WWOX: variants seen among roughly 807,000 people sequenced by gnomAD.
WWOX encodes WW domain-containing oxidoreductase.
WWOX carries 69 observed loss-of-function variants against 46.2 expected under a neutral mutation model. That is an observed-to-expected ratio of 1.49 (90% CI 1.23 to 1.82). The LOEUF (loss-of-function observed/expected upper bound fraction) is 1.82. Among genes scored for constraint, WWOX ranks in the 40% most tolerant of loss-of-function variants. WWOX has a pLI of 0.00. For synonymous variants in WWOX, 359 were observed against 202.6 expected (o/e 1.77, Z -6.56); for missense variants, 919 against 542.6 (o/e 1.69, Z -6.89).
intron 8 of WWOX, among the ~76,000 whole-genome samples, chr16:78,614,220 T>C (rs190342603): frequency 6.6e-6 from 1 of 152,336 alleles, no homozygotes; most frequent in Non-Finnish European, 1.5e-5. Flanking sequence ...TTGAAAGAAC[T>C]ATCTGTGTTG....
Position 78,115,137 on chromosome 16 carries a change from G to A in WWOX, c.392G>A (p.Gly131Glu), listed in dbSNP as rs374343152. 1.2e-6 allele frequency: 2 copies of A among 1,614,084 alleles called. No individual in the cohort carries two copies. Among genetic ancestry groups the A allele is most frequent in the Non-Finnish European group, 1.7e-6 (2 of 1,180,044 alleles). ...DFTGKVVVVT[G>E]ANSGIGFETA... ...ACTGGCAAAGTGGTTGTGGTCACTG[G>A]AGCTAATTCAGGAATAGGTAGGCTC... Residue 131 changes from glycine (G) to glutamate (E), a missense_variant, in exon 4 of 9, where the codon GGA becomes GAA. Physicochemically the swap from Gly to Glu is moderately conservative, Grantham distance 98. Coordinates refer to ENST00000566780, the MANE Select transcript of WWOX (RefSeq NM_016373.4).
intron 8 of WWOX, among the ~76,000 whole-genome samples, chr16:78,620,195 A>G (rs1009631330): frequency 2.0e-5 from 3 of 152,204 alleles, no homozygotes; most frequent in African/African-American, 7.2e-5. Flanking sequence ...GAAATGAGAA[A>G]TCTAAGGAAC....
chr16:78,761,048 C>A (rs536276287), intron 8 of WWOX, among the ~76,000 whole-genome samples: 8 of 152,054 alleles, frequency 5.3e-5, no homozygotes, highest in Admixed American at 1.3e-4. Flanking sequence ...CCTACCAGGC[C>A]CCTCCTACAA....
intron 8 of WWOX, among the ~76,000 whole-genome samples, chr16:79,154,220 T>C (rs151288420): frequency 1.6e-4 from 24 of 152,328 alleles, no homozygotes; most frequent in African/African-American, 5.1e-4. Context: ...TTTAGTCTAG[T>C]GCAACAAGTA....
chr16:78,901,836 G>T (rs532113149), intron 8 of WWOX, among the ~76,000 whole-genome samples: 23 of 152,200 alleles, frequency 1.5e-4, no homozygotes, highest in Admixed American at 6.5e-5. Flanking sequence ...GTCTGTCGCT[G>T]CCCAGGATAG....
At chr16:78,723,949 T>G (rs1423472150) in intron 8 of WWOX, among the ~76,000 whole-genome samples, 1 of 152,074 alleles carries the variant, frequency 6.6e-6, no homozygotes, top group Non-Finnish European at 1.5e-5. Context: ...TGCACAGTGG[T>G]TTCACCATCC....
chr16:78,369,481 G>A (rs1240392847), intron 5 of WWOX, among the ~76,000 whole-genome samples: 2 of 152,178 alleles, frequency 1.3e-5, no homozygotes, highest in African/African-American at 4.8e-5. Context: ...GCAACTGGTA[G>A]GGTCGAGTCT....
At chr16:78,750,889 C>T (rs1307244715) in intron 8 of WWOX, among the ~76,000 whole-genome samples, 4 of 152,014 alleles carry the variant, frequency 2.6e-5, no homozygotes, top group Admixed American at 2.0e-4. Flanking sequence ...TTAACTAATC[C>T]ACCATTGATG....
intron 8 of WWOX, among the ~76,000 whole-genome samples, chr16:79,170,449 A>G (rs1236815025): frequency 6.6e-6 from 1 of 152,240 alleles, no homozygotes; most frequent in Admixed American, 6.5e-5. Flanking sequence ...ACAACTGTTA[A>G]GACCACTTAA....
chr16:79,172,459 G>A (rs538445159), intron 8 of WWOX, among the ~76,000 whole-genome samples: 13 of 152,056 alleles, frequency 8.5e-5, no homozygotes, highest in Non-Finnish European at 1.9e-4. Flanking sequence ...ACTTATCTTG[G>A]TACCTGTAGT....
chr16:79,206,046 A>G (rs905138851), intron 8 of WWOX: 1 of 152,128 alleles, frequency 6.6e-6, no homozygotes, highest in African/African-American at 2.4e-5. Flanking sequence ...TTGCTGTTGG[A>G]TCATCGAAGG....
chr16:78,553,393 CAG>C (rs1163800309), intron 8 of WWOX: 1 of 152,018 alleles, frequency 6.6e-6, no homozygotes, highest in Non-Finnish European at 1.5e-5. Context: ...CTCTGGGACA[CAG>C]GGGTTGTCTT....
intron 8 of WWOX, among the ~76,000 whole-genome samples, chr16:78,458,510 C>G (rs926056042): frequency 6.6e-6 from 1 of 152,118 alleles, no homozygotes; most frequent in Non-Finnish European, 1.5e-5. Context: ...ATCCTCCCAC[C>G]TCAGTCTCAC....
chr16:78,653,130 C>T (rs1040897224), intron 8 of WWOX, among the ~76,000 whole-genome samples: 3 of 151,024 alleles, frequency 2.0e-5, no homozygotes, highest in South Asian at 2.1e-4. Context: ...AAATTGGGCT[C>T]GTAATATATA....
intron 6 of WWOX, among the ~76,000 whole-genome samples, chr16:78,402,042 C>T (rs866366046): frequency 5.3e-5 from 8 of 152,140 alleles, no homozygotes; most frequent in East Asian, 1.9e-4. Flanking sequence ...ATTTTTATTA[C>T]GTTCACAAAG....
intron 8 of WWOX, among the ~76,000 whole-genome samples, chr16:78,788,972 A>G (rs1597611946): frequency 6.6e-6 from 1 of 152,332 alleles, no homozygotes; most frequent in East Asian, 1.9e-4. Context: ...CTAGACCCTT[A>G]TCATATAAAT....
intron 8 of WWOX, among the ~76,000 whole-genome samples, chr16:78,761,057 A>G (rs567424689): frequency 2.8e-4 from 42 of 152,270 alleles, no homozygotes; most frequent in African/African-American, 1.0e-3. Context: ...CCCCTCCTAC[A>G]ACACGTAAGA....
chr16:78,106,427 T>G (rs1248647534), intron 1 of WWOX, among the ~76,000 whole-genome samples: 8 of 147,090 alleles, frequency 5.4e-5, no homozygotes, highest in East Asian at 3.9e-4. Context: ...TTTTGTTTTT[T>G]TTTTTTTTTT....
At chr16:79,090,288 T>C (rs902813138) in intron 8 of WWOX, among the ~76,000 whole-genome samples, 2 of 149,748 alleles carry the variant, frequency 1.3e-5, no homozygotes, top group Non-Finnish European at 3.0e-5. Context: ...TGCGTGTGTG[T>C]GTGTGTGTGT....
Sources: gnomAD v4.1 joint callset for allele counts (sites outside exome capture counted in the v4.1 genomes callset) on GRCh38, gnomAD v4.1.1 for gene constraint, MANE v1.5 for transcripts, NCBI Gene and HGNC (gene_info 2026-07-23, HGNC 2026-07-21) for gene names.